PDCD10: variants seen among roughly 807,000 people sequenced by gnomAD.
PDCD10 encodes programmed cell death 10, also known as programmed cell death protein 10.
In PDCD10, 4 loss-of-function variants were observed where a neutral mutation model predicts 29.2. The ratio of observed to expected loss-of-function variants is 0.14; its 90% CI spans 0.07 to 0.31. The LOEUF (loss-of-function observed/expected upper bound fraction) is 0.31. Among genes scored for constraint, PDCD10 ranks in the 10% least tolerant of loss-of-function variants. The pLI, the probability that PDCD10 is intolerant of heterozygous loss-of-function variation, is 1.00. For synonymous variants in PDCD10, 70 were observed against 82.2 expected (o/e 0.85, Z 0.80); for missense variants, 183 against 257.9 (o/e 0.71, Z 1.99).
chr3:167,713,193 G>A (rs1374874941), intron 3 of PDCD10, among the ~76,000 whole-genome samples: 1 of 151,980 alleles, frequency 6.6e-6, no homozygotes, highest in Non-Finnish European at 1.5e-5. Context: ...CATATGTTAG[G>A]TCACAATACA....
intron 4 of PDCD10, among the ~76,000 whole-genome samples, chr3:167,699,149 C>T (rs1721109605): frequency 6.6e-6 from 1 of 152,198 alleles, no homozygotes; most frequent in Non-Finnish European, 1.5e-5. Flanking sequence ...ATTTCTCAAA[C>T]ATTGGTCTTA....
chr3:167,683,536 C>T lies in PDCD10; in HGVS notation c.*772G>A, dbSNP rs1006766503. On this transcript the variant is annotated 3_prime_UTR_variant, in exon 9 of 9. Transcript: ENST00000392750. ...GCAAAGCTTATGAGGGCCCAGTATA[C>T]GAAAGGCTTAATTTTTAAGAGTCAA... 2.0e-5 allele frequency: 3 copies of T among 151,676 alleles called. No homozygotes were observed. Among genetic ancestry groups the T allele is most frequent in the East Asian group, 1.9e-4 (1 of 5,172 alleles). The allele number at this position is 151,676 out of a possible 1,614,324, so 9.4% of individuals were successfully genotyped here.
chr3:167,719,379 A>C (rs1002195603), intron 3 of PDCD10, among the ~76,000 whole-genome samples: 1 of 152,142 alleles, frequency 6.6e-6, no homozygotes, highest in African/African-American at 2.4e-5. Flanking sequence ...TTAGTTCCCC[A>C]TTATAGAAAA....
rs571304995 is a variant in PDCD10 at position 167,689,397 on chromosome 3, G to A, written c.396-1704C>T. Among the ~76,000 whole-genome samples the A allele has an allele frequency of 3.9e-5, 6 of 152,268 alleles. No homozygotes were observed. The East Asian group carries it at 1.2e-3, about 29-fold the overall frequency. On this transcript the variant is annotated intron_variant, in intron 6 of 8. Transcript: ENST00000392750. Reference sequence around the variant, plus strand: ...AATATAATGGAGCAAATTACATAGTGATCAGACAGAAGTTTATATAGTCTT... The same window carrying A: ...AATATAATGGAGCAAATTACATAGTAATCAGACAGAAGTTTATATAGTCTT...
chr3:167,725,561 T>C (rs2108498388), intron 2 of PDCD10: 1 of 151,786 alleles, frequency 6.6e-6, no homozygotes, highest in East Asian at 1.9e-4. Flanking sequence ...TATACCTACA[T>C]CTCTCTCCTT....
intron 2 of PDCD10, chr3:167,730,621 T>C (rs188647189): frequency 2.0e-5 from 3 of 152,158 alleles, no homozygotes; most frequent in Admixed American, 1.3e-4. Flanking sequence ...GACAAGATCT[T>C]GTGGAAGAGT....
intron 2 of PDCD10, among the ~76,000 whole-genome samples, chr3:167,721,980 G>A (rs531050891): frequency 2.6e-5 from 4 of 152,022 alleles, no homozygotes; most frequent in Non-Finnish European, 5.9e-5. Context: ...TACCAATTGT[G>A]GCCCTGCTGT....
chr3:167,694,127 A>G (rs1371404455), intron 6 of PDCD10, among the ~76,000 whole-genome samples: 1 of 152,216 alleles, frequency 6.6e-6, no homozygotes. Context: ...GTACCAAAAA[A>G]TAACCAGCAA....
intron 3 of PDCD10, among the ~76,000 whole-genome samples, chr3:167,717,635 ATTCT>A (rs892405333): frequency 6.6e-6 from 1 of 152,022 alleles, no homozygotes; most frequent in African/African-American, 2.4e-5. Context: ...CTAGTATTTC[ATTCT>A]TTTTTAACCA....
rs1720891600 is a variant in PDCD10, at chr3:167,697,058, T to G, written c.219A>C (p.Glu73Asp). The G allele has an allele frequency of 1.2e-6, 2 of 1,611,584 alleles. No individual in the cohort carries two copies. Among genetic ancestry groups the G allele is most frequent in the Admixed American group, 1.7e-5 (1 of 59,994 alleles). ...GAAGAAGGGACTCCGTGAAGTTAAC[T>G]TCCACGCTTTTTTTCTCTAAAATTT... The part of the protein sequence containing the change: ...IMKILEKKSV[E>D]VNFTESLLRM... Residue 73 changes from glutamate to aspartate, a missense_variant, in exon 5 of 9, where the codon GAA becomes GAC. Glu to Asp is a conservative substitution (Grantham distance 45). Coordinates refer to ENST00000392750, the MANE Select transcript of PDCD10 (RefSeq NM_007217.4).
In PDCD10 at chr3:167,720,068, A is replaced by G. The variant is rs1559973010; in HGVS notation, c.90T>C (p.Phe30=). ...MPLYAVMYPV[F]NELERVNLSA... is the part of the protein sequence containing the mutation. ...ACATGTTTACCCAACTCACCTCATTAAACACAGGATACATGACTGCATAGA... is the reference window on the plus strand; with the variant it reads ...ACATGTTTACCCAACTCACCTCATTGAACACAGGATACATGACTGCATAGA... The change falls in exon 3 of 9, where the codon TTT becomes TTC. Residue 30 remains phenylalanine (F), a synonymous_variant. Coordinates refer to ENST00000392750, the MANE Select transcript of PDCD10 (RefSeq NM_007217.4). The G allele has an allele frequency of 6.3e-7, 1 of 1,594,848 alleles. No homozygotes were observed. Among genetic ancestry groups the G allele is most frequent in the Non-Finnish European group, 8.6e-7 (1 of 1,162,686 alleles).
At chr3:167,697,206 T>C (rs1017605980) in intron 4 of PDCD10, 80 bp from the exon 5 acceptor site, 2 of 813,000 alleles carry the variant, frequency 2.5e-6, no homozygotes, top group Non-Finnish European at 4.3e-6. Context: ...GTTTAGAATC[T>C]GTTGGGAGCG....
chr3:167,734,465 G>A (rs1725182285), intron 1 of PDCD10, 115 bp from the exon 2 acceptor site: 1 of 152,558 alleles, frequency 6.6e-6, no homozygotes, highest in South Asian at 2.1e-4. Context: ...TCACCTCTCG[G>A]TCCGAAGCCA....
Position 167,731,075 on chromosome 3 carries a change from T to C in PDCD10, c.-117+3139A>G, listed in dbSNP as rs574379526. ...CTAACCATGGTTCCAGTACCAACGT[T>C]CTGGAAACTCTAGCAATTTAATTAA... On this transcript the variant is annotated intron_variant, in intron 2 of 8. Coordinates refer to ENST00000392750, the MANE Select transcript of PDCD10 (RefSeq NM_007217.4). The C allele has an allele frequency of 2.6e-5, 4 of 152,262 alleles. No homozygotes were observed. In the East Asian group the frequency reaches 5.8e-4, roughly 22 times the overall value. The allele number at this position is 152,262 out of a possible 1,614,324, so 9.4% of individuals were successfully genotyped here.
intron 2 of PDCD10, among the ~76,000 whole-genome samples, chr3:167,725,122 T>C (rs1723959552): frequency 6.6e-6 from 1 of 151,946 alleles, no homozygotes; most frequent in Non-Finnish European, 1.5e-5. Context: ...CCAGATGCGG[T>C]GGTGGGCTTC....
chr3:167,732,936 G>A (rs1261527213), intron 2 of PDCD10, among the ~76,000 whole-genome samples: 3 of 151,890 alleles, frequency 2.0e-5, no homozygotes, highest in African/African-American at 4.8e-5. Context: ...TGTTTAACTG[G>A]GTCTTCCTTG....
chr3:167,687,033 G>A (rs1014916596), intron 8 of PDCD10, among the ~76,000 whole-genome samples: 5 of 152,122 alleles, frequency 3.3e-5, no homozygotes, highest in African/African-American at 7.2e-5. Context: ...TTCAGAAAGC[G>A]TCTGATAACT....
chr3:167,725,121 G>A (rs930894876), intron 2 of PDCD10, among the ~76,000 whole-genome samples: 10 of 152,240 alleles, frequency 6.6e-5, no homozygotes, highest in African/African-American at 2.4e-4. Context: ...GCCAGATGCG[G>A]TGGTGGGCTT....
intron 6 of PDCD10, among the ~76,000 whole-genome samples, chr3:167,690,816 C>T (rs1330348932): frequency 6.6e-6 from 1 of 152,156 alleles, no homozygotes; most frequent in Non-Finnish European, 1.5e-5. Flanking sequence ...AAGTCATTAC[C>T]CTCATTTTCA....
Sources: allele counts gnomAD v4.1 joint callset (sites outside exome capture counted in the v4.1 genomes callset), GRCh38; gene constraint gnomAD v4.1.1; transcripts MANE v1.5; gene names NCBI Gene and HGNC (gene_info 2026-07-23, HGNC 2026-07-21).